Variants in AFF2 observed in about 807,000 individuals in gnomAD.
The protein encoded by AFF2 is ALF transcription elongation factor 2.
In AFF2, 14 loss-of-function variants were observed where a neutral mutation model predicts 76.9. The observed-to-expected ratio is 0.18, with a 90% CI of 0.12 to 0.28. The LOEUF (loss-of-function observed/expected upper bound fraction) is 0.28. AFF2 is among the 10% of genes least tolerant of loss of function. The pLI, the probability that AFF2 is intolerant of heterozygous loss-of-function variation, is 1.00. For missense variants in AFF2, 868 were observed against 1,001.1 expected (o/e 0.87, Z 1.79); for synonymous variants, 398 against 366.7 (o/e 1.09, Z -0.98).
At chrX:148,653,220 A>G (rs2054218724) in intron 2 of AFF2, among the ~76,000 whole-genome samples, 1 of 111,949 alleles carries the variant, frequency 8.9e-6, no homozygotes, top group African/African-American at 3.2e-5. Flanking sequence ...TCTGTCAGTA[A>G]TAGTATGATC....
intron 3 of AFF2, among the ~76,000 whole-genome samples, chrX:148,757,986 A>G (rs782090524): frequency 1.5e-4 from 17 of 112,515 alleles, no homozygotes; most frequent in Admixed American, 5.7e-4. Flanking sequence ...ATATATTTAG[A>G]TGAAGTCAGG....
At chrX:148,935,982 T>G (rs2071771100) in intron 9 of AFF2, among the ~76,000 whole-genome samples, 1 of 111,066 alleles carries the variant, frequency 9.0e-6, no homozygotes, top group Admixed American at 9.6e-5. Flanking sequence ...TTTAATATTT[T>G]GCCTTTTCTT....
intron 1 of AFF2, among the ~76,000 whole-genome samples, chrX:148,521,000 G>T (rs1270249566): frequency 8.9e-6 from 1 of 112,279 alleles, no homozygotes; most frequent in African/African-American, 3.2e-5. Flanking sequence ...GTTTAGTGGA[G>T]CATAAAGACG....
Position 148,995,753 on chromosome X carries a change from G to C in AFF2, c.*4421G>C, listed in dbSNP as rs2072590929. ...CTCTTTTGCCAGTGACCTCAATTTT[G>C]TTGGCTCTGTGATTTGTATCAGACT... is the stretch of plus-strand genomic sequence containing the variant. On this transcript the variant is annotated 3_prime_UTR_variant, in exon 21 of 21. Coordinates refer to ENST00000370460, the MANE Select transcript of AFF2 (RefSeq NM_002025.4). 1 of 112,662 alleles carries C rather than the reference G, an allele frequency of 8.9e-6. No homozygotes were observed. The highest frequency in any genetic ancestry group is 9.4e-5 in the Admixed American group (1 of 10,694). The allele number at this position is 112,662 out of a possible 1,213,427, so 9.3% of individuals were successfully genotyped here.
intron 7 of AFF2, among the ~76,000 whole-genome samples, chrX:148,852,599 G>A (rs2070744256): frequency 9.0e-6 from 1 of 111,106 alleles, no homozygotes; most frequent in Non-Finnish European, 1.9e-5. Context: ...AGAAAGAAAC[G>A]AAGAAAACAA....
At chrX:148,868,124 C>T (rs2070929851) in intron 7 of AFF2, among the ~76,000 whole-genome samples, 1 of 111,750 alleles carries the variant, frequency 8.9e-6, no homozygotes, top group South Asian at 3.8e-4. Flanking sequence ...CTTACCTCCT[C>T]ACCATGGATG....
chrX:148,800,048 C>A (rs1260322294), intron 3 of AFF2, among the ~76,000 whole-genome samples: 1 of 111,830 alleles, frequency 8.9e-6, no homozygotes, highest in Non-Finnish European at 1.9e-5. Context: ...TTCAGAAGTA[C>A]AGAAAAAATG....
At chrX:148,809,231 A>C (rs2070173706) in intron 3 of AFF2, among the ~76,000 whole-genome samples, 2 of 111,907 alleles carry the variant, frequency 1.8e-5, no homozygotes, top group African/African-American at 6.5e-5. Flanking sequence ...TCTTGCTTTC[A>C]CTGACTATAA....
intron 1 of AFF2, among the ~76,000 whole-genome samples, chrX:148,524,329 A>G (rs1269184808): frequency 9.0e-6 from 1 of 111,233 alleles, no homozygotes; most frequent in Non-Finnish European, 1.9e-5. Context: ...ATGACTTAAT[A>G]CTTTCCAGAA....
intron 8 of AFF2, among the ~76,000 whole-genome samples, chrX:148,893,093 T>C (rs1557279955): frequency 1.8e-5 from 2 of 112,341 alleles, no homozygotes; most frequent in African/African-American, 3.2e-5. Context: ...TTACAGAATG[T>C]AGCTGAATAA....
intron 16 of AFF2, among the ~76,000 whole-genome samples, chrX:148,976,745 A>G (rs1557290311): frequency 8.9e-6 from 1 of 112,847 alleles, no homozygotes; most frequent in Non-Finnish European, 1.9e-5. Flanking sequence ...ATAGAAATGT[A>G]TTTGTGAAAA....
intron 1 of AFF2, among the ~76,000 whole-genome samples, chrX:148,509,338 G>A (rs139927366): frequency 3.6e-5 from 4 of 111,404 alleles, no homozygotes; most frequent in Non-Finnish European, 5.7e-5. Context: ...TAGGGGACCC[G>A]GAGCATTGAA....
At chrX:148,504,797 G>A (rs2052390017) in intron 1 of AFF2, among the ~76,000 whole-genome samples, 1 of 112,463 alleles carries the variant, frequency 8.9e-6, no homozygotes. Flanking sequence ...AGCTCCAGCC[G>A]GGCATGGCCC....
intron 1 of AFF2, among the ~76,000 whole-genome samples, chrX:148,614,745 T>C (rs199831895): frequency 0.016 from 643 of 39,540 alleles, 5 homozygotes; most frequent in Non-Finnish European, 0.021. Context: ...TTCTTTTCTT[T>C]CTTTCTTTCT....
intron 1 of AFF2, among the ~76,000 whole-genome samples, chrX:148,552,089 C>T (rs782178023): frequency 3.0e-4 from 34 of 112,730 alleles, no homozygotes; most frequent in Non-Finnish European, 2.4e-4. Flanking sequence ...AAACTAGAAG[C>T]TTGTACTCGG....
intron 3 of AFF2, among the ~76,000 whole-genome samples, chrX:148,746,449 G>T (rs1168126516): frequency 2.7e-5 from 3 of 112,046 alleles, no homozygotes; most frequent in Non-Finnish European, 3.8e-5. Flanking sequence ...GCAAAGCCAG[G>T]CAGAATCCCT....
chrX:148,534,230 A>G (rs2052759818), intron 1 of AFF2, among the ~76,000 whole-genome samples: 1 of 111,933 alleles, frequency 8.9e-6, no homozygotes, highest in Admixed American at 9.5e-5. Flanking sequence ...ATTGGATGCA[A>G]CAGTGGCCCA....
intron 7 of AFF2, among the ~76,000 whole-genome samples, chrX:148,852,675 C>A (rs782739640): frequency 1.8e-5 from 2 of 111,225 alleles, no homozygotes; most frequent in Non-Finnish European, 3.8e-5. Context: ...ATATACCTGG[C>A]ACCATGAAAT....
intron 9 of AFF2, among the ~76,000 whole-genome samples, chrX:148,950,800 A>C (rs980585345): frequency 8.9e-6 from 1 of 112,174 alleles, no homozygotes; most frequent in Admixed American, 9.5e-5. Context: ...TCTACTTATA[A>C]GTATTGTCAA....
Sources: gnomAD v4.1 joint callset for allele counts (sites outside exome capture counted in the v4.1 genomes callset) on GRCh38, gnomAD v4.1.1 for gene constraint, MANE v1.5 for transcripts, NCBI Gene and HGNC (gene_info 2026-07-23, HGNC 2026-07-21) for gene names.